The following SLC31A1 variants were observed in gnomAD, a reference collection of about 807,000 sequenced individuals.
SLC31A1 encodes solute carrier family 31 member 1.
A neutral mutation model predicts 17.2 loss-of-function variants in SLC31A1; 5 were observed. The observed-to-expected ratio is 0.29, with a 90% CI of 0.15 to 0.61. The LOEUF is 0.61. Among genes scored for constraint, SLC31A1 ranks in the 20% least tolerant of loss-of-function variants. SLC31A1 has a pLI of 0.86. For missense variants in SLC31A1, 161 were observed against 241.4 expected (o/e 0.67, Z 2.21); for synonymous variants, 76 against 78.8 (o/e 0.96, Z 0.19).
intron 1 of SLC31A1, among the ~76,000 whole-genome samples, chr9:113,229,159 T>C (rs1443993252): frequency 2.0e-5 from 3 of 152,230 alleles, no homozygotes; most frequent in African/African-American, 7.2e-5. Context: ...AATTTAATTT[T>C]TTAAATAGGA....
intron 1 of SLC31A1, among the ~76,000 whole-genome samples, chr9:113,232,608 G>C (rs1831412819): frequency 6.6e-6 from 1 of 151,118 alleles, no homozygotes; most frequent in African/African-American, 2.4e-5. Flanking sequence ...AAGGCGTGTG[G>C]ATCACCTGAG....
chr9:113,235,221 T>G (rs191174157), intron 1 of SLC31A1, among the ~76,000 whole-genome samples: 2 of 152,192 alleles, frequency 1.3e-5, no homozygotes, highest in Non-Finnish European at 2.9e-5. Flanking sequence ...AGCCAATACA[T>G]GTATGAAAAA....
intron 1 of SLC31A1, among the ~76,000 whole-genome samples, chr9:113,255,602 C>T (rs910446217): frequency 1.3e-5 from 2 of 151,994 alleles, no homozygotes; most frequent in African/African-American, 2.4e-5. Flanking sequence ...TGTGATTCCA[C>T]CTACTCAGGA....
intron 1 of SLC31A1, among the ~76,000 whole-genome samples, chr9:113,249,993 A>G (rs1411217003): frequency 6.6e-6 from 1 of 152,102 alleles, no homozygotes; most frequent in African/African-American, 2.4e-5. Flanking sequence ...ATTTCACACC[A>G]GTTAGAATGG....
rs561553151 is a variant in SLC31A1 at position 113,249,460 on chromosome 9, G to A, written c.-35-6654G>A. Among the ~76,000 whole-genome samples the A allele has an allele frequency of 1.6e-4, 25 of 151,724 alleles. No homozygotes were observed. The South Asian group carries it at 4.6e-3, about 28-fold the overall frequency. ...TCCCTCACTGCAACCCCCACCTCCC[G>A]GGTTCAAGCAATTATCCTGCCTCAG... On this transcript the variant is annotated intron_variant, in intron 1 of 4. Transcript: ENST00000374212.
intron 1 of SLC31A1, among the ~76,000 whole-genome samples, chr9:113,244,200 A>C (rs1831553475): frequency 6.6e-6 from 1 of 150,518 alleles, no homozygotes; most frequent in Non-Finnish European, 1.5e-5. Flanking sequence ...ACTACTTCAT[A>C]GCTTCTGTTT....
chr9:113,253,958 C>CTTTTTTTTTTTTTTTTTT (rs397967653), intron 1 of SLC31A1, among the ~76,000 whole-genome samples: 2 of 110,418 alleles, frequency 1.8e-5, no homozygotes, highest in Non-Finnish European at 1.8e-5. Context: ...TACCCACAGT[C>CTTTTTTTTTTTTTTTTTT]TTTTTTTTTT....
chr9:113,229,957 G>A (rs1831384037), intron 1 of SLC31A1, among the ~76,000 whole-genome samples: 1 of 152,118 alleles, frequency 6.6e-6, no homozygotes, highest in South Asian at 2.1e-4. Context: ...TATTTGCAAG[G>A]TGAATATTAT....
intron 1 of SLC31A1, among the ~76,000 whole-genome samples, chr9:113,242,488 C>A (rs948746099): frequency 6.6e-6 from 1 of 152,160 alleles, no homozygotes; most frequent in Non-Finnish European, 1.5e-5. Context: ...GCAGCTTTGA[C>A]TTCCCAGGCT....
chr9:113,242,728 G>C (rs767850012), intron 1 of SLC31A1, among the ~76,000 whole-genome samples: 13 of 152,040 alleles, frequency 8.6e-5, no homozygotes, highest in Admixed American at 5.9e-4. Context: ...TTTTTAAGTT[G>C]ATCTTATCTT....
rs988092764 is a variant in SLC31A1 at position 113,262,585 on chromosome 9, T to A, written c.*2112T>A. The A allele has an allele frequency of 2.0e-5, 3 of 152,612 alleles. No individual in the cohort carries two copies. Among genetic ancestry groups the A allele is most frequent in the Non-Finnish European group, 1.5e-5 (1 of 68,052 alleles). The allele number at this position is 152,612 out of a possible 1,614,324, so 9.5% of individuals were successfully genotyped here. ...ATGGCTTTGAACCAAGAGAGGGTTATGAGCCTACTGGATTGAGGTTAAAAT... is the reference window on the plus strand; with the variant it reads ...ATGGCTTTGAACCAAGAGAGGGTTAAGAGCCTACTGGATTGAGGTTAAAAT... On this transcript the variant is annotated 3_prime_UTR_variant, in exon 5 of 5. Coordinates refer to ENST00000374212, the MANE Select transcript of SLC31A1 (RefSeq NM_001859.4).
At chr9:113,234,293 C>T (rs185932014) in intron 1 of SLC31A1, among the ~76,000 whole-genome samples, 8 of 151,822 alleles carry the variant, frequency 5.3e-5, no homozygotes, top group Non-Finnish European at 1.5e-5. Flanking sequence ...CTCTGCCTCC[C>T]GGGTTCCTGA....
chr9:113,259,583 CTTTT>C (rs34039262), intron 4 of SLC31A1, among the ~76,000 whole-genome samples: 1 of 124,440 alleles, frequency 8.0e-6, no homozygotes, highest in Non-Finnish European at 1.6e-5. Context: ...TTTTTTCTTT[CTTTT>C]TTTTTTTTTT....
intron 1 of SLC31A1, among the ~76,000 whole-genome samples, chr9:113,223,758 G>A (rs1404206618): frequency 6.6e-6 from 1 of 152,066 alleles, no homozygotes; most frequent in Non-Finnish European, 1.5e-5. Flanking sequence ...AGAGATGACA[G>A]TCTTTATATA....
At position 113,258,701 on chromosome 9, in the gene SLC31A1, T is replaced by G. The variant is rs1029654487; in HGVS notation, c.210T>G (p.Ala70=). The change falls in exon 4 of 5, where the codon GCT becomes GCG. Residue 70 remains alanine (A), a synonymous_variant. Coordinates refer to ENST00000374212, the MANE Select transcript of SLC31A1 (RefSeq NM_001859.4). This position sits in a 1 kb window ranked among gnomAD's most constrained non-coding sequence, Gnocchi z 4.8. The stretch of plus-strand genomic sequence containing the variant: ...TTTTCCTTCCATACTTAGAAATGGC[T>G]GGAGCTTTTGTGGCAGTGTTTTTAC... ...GLVINTAGEM[A]GAFVAVFLLA... The G allele has an allele frequency of 1.9e-6, 3 of 1,614,222 alleles. No homozygotes were observed. The highest frequency in any genetic ancestry group is 2.5e-6 in the Non-Finnish European group (3 of 1,180,040).
chr9:113,256,141 T>C lies in SLC31A1; in HGVS notation c.-8T>C, dbSNP rs1367090439. 3 of 1,611,948 alleles carry C rather than the reference T, an allele frequency of 1.9e-6. No homozygotes were observed. In the Admixed American group the frequency reaches 5.0e-5, roughly 27 times the overall value. On this transcript the variant is annotated 5_prime_UTR_variant, in exon 2 of 5. Transcript: ENST00000374212. ...TCTTCTGCTGACTCTCAACTTTTCC[T>C]GGAAAAAATGGATCATTCCCACCAT...
rs983080769 is a variant in SLC31A1 at position 113,258,312 on chromosome 9, G to A, written c.203-382G>A. ...AACACTTCACAGTGTGAAAGACTTAGAATTGAAATGCCTATTCAGGAAATG... is the reference window on the plus strand; with the variant it reads ...AACACTTCACAGTGTGAAAGACTTAAAATTGAAATGCCTATTCAGGAAATG... On this transcript the variant is annotated intron_variant, in intron 3 of 4. Coordinates refer to ENST00000374212, the MANE Select transcript of SLC31A1 (RefSeq NM_001859.4). The surrounding 1 kb of genome is among the most constrained non-coding windows in gnomAD (Gnocchi z 4.8). 2.0e-5 allele frequency among the ~76,000 whole-genome samples: 3 copies of A among 152,178 alleles called. No individual in the cohort carries two copies. Among genetic ancestry groups the A allele is most frequent in the African/African-American group, 7.2e-5 (3 of 41,434 alleles).
chr9:113,233,379 C>T (rs189441702), intron 1 of SLC31A1, among the ~76,000 whole-genome samples: 170 of 152,220 alleles, frequency 1.1e-3, no homozygotes, highest in Non-Finnish European at 2.1e-3. Flanking sequence ...GATCTCAGAT[C>T]GAATCCCAAT....
chr9:113,248,237 T>C (rs929225682), intron 1 of SLC31A1, among the ~76,000 whole-genome samples: 6 of 151,852 alleles, frequency 4.0e-5, no homozygotes, highest in Non-Finnish European at 7.4e-5. Flanking sequence ...GGCAGGAGAA[T>C]CACTTGAACT....
Sources: allele counts gnomAD v4.1 joint callset (sites outside exome capture counted in the v4.1 genomes callset), GRCh38; gene constraint gnomAD v4.1.1; non-coding constraint Gnocchi (gnomAD v3.1); transcripts MANE v1.5; gene names NCBI Gene and HGNC (gene_info 2026-07-23, HGNC 2026-07-21).